Variants in OR7D4 observed in about 807,000 individuals in gnomAD.
OR7D4 encodes the protein olfactory receptor family 7 subfamily D member 4.
For synonymous variants in OR7D4, 154 were observed against 158.4 expected, an observed-to-expected ratio of 0.97 and a Z score of 0.21; for missense variants, 319 against 377.1, an observed-to-expected ratio of 0.85 and a Z score of 1.27.
At position 9,219,301 on chromosome 19, in the gene OR7D4, T is replaced by TA. The variant is rs2051238958; in HGVS notation, c.-116dup. The TA allele has an allele frequency of 6.6e-6, 1 of 151,862 alleles. No individual in the cohort carries two copies. Among genetic ancestry groups the TA allele is most frequent in the African/African-American group, 2.4e-5 (1 of 41,328 alleles). 9.4% of individuals were successfully genotyped at this position (151,862 alleles called of 1,614,324 possible). On this transcript the variant is annotated 5_prime_UTR_variant, in exon 1 of 2. An upstream open reading frame in the 5' UTR loses its in-frame stop. Coordinates refer to ENST00000641669, the MANE Select transcript of OR7D4 (RefSeq NM_001005191.3). ...TTTATAGGAAAGAGTGCAGGAGAGT[T>TA]AGAGACTGTTCGGAAAATAACTTAT...
Position 9,210,574 on chromosome 19 carries a change from T to A in OR7D4, c.*3325A>T, listed in dbSNP as rs2051166856. The A allele has an allele frequency of 6.6e-6, 1 of 152,152 alleles. No homozygotes were observed. Among genetic ancestry groups the A allele is most frequent in the Non-Finnish European group, 1.5e-5 (1 of 68,066 alleles). 9.4% of individuals were successfully genotyped at this position (152,152 alleles called of 1,614,324 possible). On this transcript the variant is annotated 3_prime_UTR_variant, in exon 2 of 2. Coordinates refer to ENST00000641669, the MANE Select transcript of OR7D4 (RefSeq NM_001005191.3). ...AGCTTGGGCAACAGAGCAAGACATC[T>A]CAAAACAAAACAAAACAAAAACTCC...
At chr19:9,215,532 T>G (rs1302730066) in intron 1 of OR7D4, among the ~76,000 whole-genome samples, 1 of 152,130 alleles carries the variant, frequency 6.6e-6, no homozygotes, top group Non-Finnish European at 1.5e-5. Context: ...CAATAGTTAT[T>G]AAGTTGTGGA....
Position 9,210,692 on chromosome 19 carries a change from A to ACACACACG in OR7D4, c.*3206_*3207insCGTGTGTG, listed in dbSNP as rs1251624783. 6.6e-6 allele frequency: 1 copy of ACACACACG among 152,084 alleles called. No individual in the cohort carries two copies. The highest frequency in any genetic ancestry group is 1.9e-4 in the East Asian group (1 of 5,200). The allele number at this position is 152,084 out of a possible 1,614,324, so 9.4% of individuals were successfully genotyped here. ...AAGAATTTACTAGGTGATCTCACAC[A>ACACACACG]CACACACACACACACAACACACACA... On this transcript the variant is annotated 3_prime_UTR_variant, in exon 2 of 2. Coordinates refer to ENST00000641669, the MANE Select transcript of OR7D4 (RefSeq NM_001005191.3).
rs924485665 is a variant in OR7D4, at chr19:9,212,079, A to G, written c.*1820T>C. ...ACATTTTTAATTTTTGTGCGTAGAT[A>G]GTAGCTGTATATATTTATGGGGTAG... On this transcript the variant is annotated 3_prime_UTR_variant, in exon 2 of 2. Coordinates refer to ENST00000641669, the MANE Select transcript of OR7D4 (RefSeq NM_001005191.3). 11 of 152,152 alleles carry G rather than the reference A, an allele frequency of 7.2e-5. No individual in the cohort carries two copies. Among genetic ancestry groups the G allele is most frequent in the African/African-American group, 2.7e-4 (11 of 41,452 alleles). The allele number at this position is 152,152 out of a possible 1,614,324, so 9.4% of individuals were successfully genotyped here.
In OR7D4 at chr19:9,214,516, C is replaced by A. The variant is rs2051196280; in HGVS notation, c.322G>T (p.Ala108Ser). 1.9e-6 allele frequency: 3 copies of A among 1,614,132 alleles called. No individual in the cohort carries two copies. The highest frequency in any genetic ancestry group is 2.5e-6 in the Non-Finnish European group (3 of 1,180,026). The change falls in exon 2 of 2, where the codon GCT becomes TCT. Residue 108 changes from alanine (A) to serine (S), a missense_variant. Transcript: ENST00000641669. ...GCCAGTAGGAAAGTATCCATTCCAG[C>A]AAACATCATTAAAAAATACACCTGA... Reference protein sequence around the residue: ...LTQVYFLMMFAGMDTFLLAVM... With the variant: ...LTQVYFLMMFSGMDTFLLAVM...
rs1251353296 is a variant in OR7D4 at position 9,211,884 on chromosome 19, C to G, written c.*2015G>C. The G allele has an allele frequency of 1.4e-5, 2 of 146,422 alleles. No individual in the cohort carries two copies. The highest frequency in any genetic ancestry group is 3.0e-5 in the Non-Finnish European group (2 of 67,364). 9.1% of individuals were successfully genotyped at this position (146,422 alleles called of 1,614,324 possible). A position where few individuals can be genotyped will look rare whatever the true frequency, so the allele number is the denominator to read the frequency against. On this transcript the variant is annotated 3_prime_UTR_variant, in exon 2 of 2. Transcript: ENST00000641669. ...GGATTTGCAGATATGACTCCCATTT[C>G]ATTTTAAAATTAAAAAAAAATCTGA...
Position 9,219,263 on chromosome 19 carries a change from C to T in OR7D4, c.-77G>A, listed in dbSNP as rs143775070. ...AAGTAACTGGATGTACGAAATTCAA[C>T]AGGAGACTAAAGTTTATAGGAAAGA... On this transcript the variant is annotated 5_prime_UTR_variant, in exon 1 of 2. Coordinates refer to ENST00000641669, the MANE Select transcript of OR7D4 (RefSeq NM_001005191.3). 2 of 152,242 alleles carry T rather than the reference C, an allele frequency of 1.3e-5. No individual in the cohort carries two copies. Among genetic ancestry groups the T allele is most frequent in the Non-Finnish European group, 2.9e-5 (2 of 68,026 alleles). 9.4% of individuals were successfully genotyped at this position (152,242 alleles called of 1,614,324 possible). A position where few individuals can be genotyped will look rare whatever the true frequency, so the allele number is the denominator to read the frequency against.
In OR7D4 at chr19:9,211,062, G is replaced by A; in HGVS notation, c.*2837C>T. The A allele has an allele frequency of 6.6e-6, 1 of 152,258 alleles. No individual in the cohort carries two copies. The allele number at this position is 152,258 out of a possible 1,614,324, so 9.4% of individuals were successfully genotyped here. ...GAGGGAAATCTCCATGGTCTTGGGT[G>A]CTTAGAGACCCATGTCCTGGTAGAA... On this transcript the variant is annotated 3_prime_UTR_variant, in exon 2 of 2. Coordinates refer to ENST00000641669, the MANE Select transcript of OR7D4 (RefSeq NM_001005191.3).
intron 1 of OR7D4, among the ~76,000 whole-genome samples, chr19:9,218,038 G>T (rs2051229257): frequency 6.6e-6 from 1 of 152,148 alleles, no homozygotes; most frequent in Admixed American, 6.5e-5. Flanking sequence ...CTTCCTCCTT[G>T]TCCCTTTCAC....
chr19:9,214,364 A>G lies in OR7D4; in HGVS notation c.474T>C (p.Val158=). 6.2e-7 allele frequency: 1 copy of G among 1,614,154 alleles called. No homozygotes were observed. Among genetic ancestry groups the G allele is most frequent in the Non-Finnish European group, 8.5e-7 (1 of 1,180,012 alleles). The change falls in exon 2 of 2, where the codon GTT becomes GTC. Residue 158 remains valine, a synonymous_variant. Coordinates refer to ENST00000641669, the MANE Select transcript of OR7D4 (RefSeq NM_001005191.3). The stretch of plus-strand genomic sequence containing the variant: ...TCAACCTCTTCATCAGTAGAATATG[A>G]ACCAGGGAGAACCAGAAAATGATGA... The part of the protein sequence containing the change: ...SWFIIFWFSL[V]HILLMKRLTF...
At position 9,213,535 on chromosome 19, in the gene OR7D4, C is replaced by T; in HGVS notation, c.*364G>A. ...CAGGCAGATCATGAGGTCAGGAGTT[C>T]CAGACCAGCCTGAACAGTATGGTGG... On this transcript the variant is annotated 3_prime_UTR_variant, in exon 2 of 2. Transcript: ENST00000641669. 1 of 182,934 alleles carries T rather than the reference C, an allele frequency of 5.5e-6. No individual in the cohort carries two copies. Among genetic ancestry groups the T allele is most frequent in the Non-Finnish European group, 1.1e-5 (1 of 87,318 alleles). The allele number at this position is 182,934 out of a possible 1,614,324, so 11.3% of individuals were successfully genotyped here. A position where few individuals can be genotyped will look rare whatever the true frequency, so the allele number is the denominator to read the frequency against.
chr19:9,219,272 A>G lies in OR7D4; in HGVS notation c.-86T>C, dbSNP rs753944467. The G allele has an allele frequency of 6.6e-6, 1 of 152,204 alleles. No homozygotes were observed. Among genetic ancestry groups the G allele is most frequent in the Non-Finnish European group, 1.5e-5 (1 of 68,036 alleles). 9.4% of individuals were successfully genotyped at this position (152,204 alleles called of 1,614,324 possible). A position where few individuals can be genotyped will look rare whatever the true frequency, so the allele number is the denominator to read the frequency against. ...GATGTACGAAATTCAACAGGAGACT[A>G]AAGTTTATAGGAAAGAGTGCAGGAG... On this transcript the variant is annotated 5_prime_UTR_variant, in exon 1 of 2. Coordinates refer to ENST00000641669, the MANE Select transcript of OR7D4 (RefSeq NM_001005191.3).
chr19:9,214,661 C>T lies in OR7D4; in HGVS notation c.177G>A (p.Met59Ile), dbSNP rs1243853866. ...AGGACAGGTTGGAGAGGAAGAAGTA[C>T]ATGGGGGTGTGGAGGTGGGAGTCAG... Reference protein sequence around the residue: ...VSSDSHLHTPMYFFLSNLSFV... With the variant: ...VSSDSHLHTPIYFFLSNLSFV... The change falls in exon 2 of 2, where the codon ATG becomes ATA. Residue 59 changes from methionine (M) to isoleucine (I), a missense_variant. Physicochemically the swap from Met to Ile is conservative, Grantham distance 10. Coordinates refer to ENST00000641669, the MANE Select transcript of OR7D4 (RefSeq NM_001005191.3). The T allele has an allele frequency of 5.0e-6, 8 of 1,614,062 alleles. No homozygotes were observed. Among genetic ancestry groups the T allele is most frequent in the Non-Finnish European group, 6.8e-6 (8 of 1,180,004 alleles).
Position 9,211,756 on chromosome 19 carries a change from C to G in OR7D4, c.*2143G>C, listed in dbSNP as rs2051174001. Reference sequence around the variant, plus strand: ...CGCCACTGTGCTCTAGCCTGGGCGACAGAGCAAGACTCCATCTCAAAAAAA... The same window carrying G: ...CGCCACTGTGCTCTAGCCTGGGCGAGAGAGCAAGACTCCATCTCAAAAAAA... On this transcript the variant is annotated 3_prime_UTR_variant, in exon 2 of 2. Coordinates refer to ENST00000641669, the MANE Select transcript of OR7D4 (RefSeq NM_001005191.3). 1 of 113,078 alleles carries G rather than the reference C, an allele frequency of 8.8e-6. No individual in the cohort carries two copies. Among genetic ancestry groups the G allele is most frequent in the Admixed American group, 1.3e-4 (1 of 7,466 alleles). 7.0% of individuals were successfully genotyped at this position (113,078 alleles called of 1,614,324 possible).
chr19:9,218,627 C>G (rs1404585657), intron 1 of OR7D4, among the ~76,000 whole-genome samples: 1 of 152,058 alleles, frequency 6.6e-6, no homozygotes, highest in African/African-American at 2.4e-5. Flanking sequence ...GGTGAACATG[C>G]AAATGGATTT....
In OR7D4 at chr19:9,214,265, G is replaced by A. The variant is rs150218834; in HGVS notation, c.573C>T (p.Asn191=). 1,193 of 1,613,988 alleles carry A rather than the reference G, an allele frequency of 7.4e-4. 7 individuals carry two copies. Among genetic ancestry groups the A allele is most frequent in the South Asian group, 6.6e-3 (599 of 91,078 alleles). The change falls in exon 2 of 2, where the codon AAC becomes AAT. Residue 191 remains asparagine, a synonymous_variant. Coordinates refer to ENST00000641669, the MANE Select transcript of OR7D4 (RefSeq NM_001005191.3). Reference sequence around the variant, plus strand: ...ACAAGACAATGTTATTGAGGAGGGTGTTAGAGCAGGCCACCTTGAGGACCT... The same window carrying A: ...ACAAGACAATGTTATTGAGGAGGGTATTAGAGCAGGCCACCTTGAGGACCT... The part of the protein sequence containing the change: ...PAQVLKVACS[N]TLLNNIVLYV...
chr19:9,214,990 A>C (rs1226522337), intron 1 of OR7D4, 140 bp from the exon 2 acceptor site: 1 of 594,048 alleles, frequency 1.7e-6, no homozygotes, highest in African/African-American at 1.9e-5. Context: ...TCTCTCAGGA[A>C]GTGGTATCTA....
At position 9,214,500 on chromosome 19, in the gene OR7D4, A is replaced by G; in HGVS notation, c.338T>C (p.Phe113Ser). 1.9e-6 allele frequency: 3 copies of G among 1,614,156 alleles called. No homozygotes were observed. The highest frequency in any genetic ancestry group is 2.5e-6 in the Non-Finnish European group (3 of 1,180,018). ...FLMMFAGMDT[F>S]LLAVMAYDRF... Reference sequence around the variant, plus strand: ...GTCATAGGCCATCACGGCCAGTAGGAAAGTATCCATTCCAGCAAACATCAT... The same window carrying G: ...GTCATAGGCCATCACGGCCAGTAGGGAAGTATCCATTCCAGCAAACATCAT... Residue 113 changes from phenylalanine (F) to serine (S), a missense_variant, in exon 2 of 2, where the codon TTC becomes TCC. Transcript: ENST00000641669.
At position 9,213,725 on chromosome 19, in the gene OR7D4, C is replaced by T; in HGVS notation, c.*174G>A. The T allele has an allele frequency of 1.7e-6, 1 of 603,028 alleles. No individual in the cohort carries two copies. The highest frequency in any genetic ancestry group is 2.0e-5 in the South Asian group (1 of 49,350). 37.4% of individuals were successfully genotyped at this position (603,028 alleles called of 1,614,324 possible). On this transcript the variant is annotated 3_prime_UTR_variant, in exon 2 of 2. Coordinates refer to ENST00000641669, the MANE Select transcript of OR7D4 (RefSeq NM_001005191.3). ...TGCACTCTAGCCTGGGCGACAGAGC[C>T]AGACTCTGTCTCAAAAACAATAACA... is the stretch of plus-strand genomic sequence containing the variant.
Sources: gnomAD v4.1 joint callset for allele counts (sites outside exome capture counted in the v4.1 genomes callset) on GRCh38, gnomAD v4.1.1 for gene constraint, MANE v1.5 for transcripts, NCBI Gene and HGNC (gene_info 2026-07-23, HGNC 2026-07-21) for gene names.